Variants in RAD21L1 observed in about 807,000 individuals in gnomAD.
RAD21L1 encodes the protein RAD21 cohesin complex component like 1.
In RAD21L1, 47 loss-of-function variants were observed where a neutral mutation model predicts 69.0. The ratio of observed to expected loss-of-function variants is 0.68; its 90% CI spans 0.54 to 0.87. The LOEUF (loss-of-function observed/expected upper bound fraction) is 0.87, where lower values mean the gene tolerates loss of function less well. RAD21L1 is among the 40% of genes least tolerant of loss of function. The pLI is 0.00. For missense variants in RAD21L1, 583 were observed against 647.6 expected, an observed-to-expected ratio of 0.90 and a Z score of 1.08; for synonymous variants, 177 against 205.8, an observed-to-expected ratio of 0.86 and a Z score of 1.20.
Position 1,246,216 on chromosome 20 carries a change from A to G in RAD21L1, c.1312A>G (p.Ile438Val). 1 of 1,528,558 alleles carries G rather than the reference A, an allele frequency of 6.5e-7. No homozygotes were observed. Among genetic ancestry groups the G allele is most frequent in the Non-Finnish European group, 8.8e-7 (1 of 1,136,644 alleles). 94.7% of individuals were successfully genotyped at this position (1,528,558 alleles called of 1,614,324 possible). Reference sequence around the variant, plus strand: ...TTTCCCTAATTTGCTTCAGCAGGATATTGTTGAAATGGTGTCTTTAGCTGC... The same window carrying G: ...TTTCCCTAATTTGCTTCAGCAGGATGTTGTTGAAATGGTGTCTTTAGCTGC... ...DTNKNINSED[I>V]VEMVSLAAEE... The change falls in exon 12 of 14, where the codon ATT (isoleucine) becomes GTT (valine). Residue 438 changes from isoleucine to valine, a missense_variant. Physicochemically the swap from Ile to Val is conservative, Grantham distance 29. Coordinates refer to ENST00000683101, the MANE Select transcript of RAD21L1 (RefSeq NM_001384355.1). This position sits in a 1 kb window ranked among gnomAD's most constrained non-coding sequence, Gnocchi z 4.6.
Position 1,246,177 on chromosome 20 carries a change from C to A in RAD21L1, c.1309-36C>A. On this transcript the variant is annotated intron_variant, in intron 11 of 13. Transcript: ENST00000683101. The surrounding 1 kb of genome is among the most constrained non-coding windows in gnomAD (Gnocchi z 4.6). ...TAGATTGTTCCTGTATAACCACTGGCAGATTTACCTAACTTTCCCTAATTT... is the reference window on the plus strand; with the variant it reads ...TAGATTGTTCCTGTATAACCACTGGAAGATTTACCTAACTTTCCCTAATTT... 1 of 1,178,124 alleles carries A rather than the reference C, an allele frequency of 8.5e-7. No homozygotes were observed. The highest frequency in any genetic ancestry group is 1.2e-6 in the Non-Finnish European group (1 of 831,130). 73.0% of individuals were successfully genotyped at this position (1,178,124 alleles called of 1,614,324 possible). A position where few individuals can be genotyped will look rare whatever the true frequency, so the allele number is the denominator to read the frequency against.
intron 10 of RAD21L1, among the ~76,000 whole-genome samples, chr20:1,243,651 T>C (rs570485864): frequency 6.6e-6 from 1 of 152,312 alleles, no homozygotes; most frequent in Admixed American, 6.5e-5. Flanking sequence ...TAATCACTGA[T>C]TATTATCATG....
intron 12 of RAD21L1, among the ~76,000 whole-genome samples, chr20:1,247,328 T>A (rs959236017): frequency 6.6e-6 from 1 of 152,196 alleles, no homozygotes; most frequent in Non-Finnish European, 1.5e-5. Flanking sequence ...AGCCTTTCTC[T>A]GGTTAGTTTA....
At position 1,235,611 on chromosome 20, in the gene RAD21L1, G is replaced by A. The variant is rs138282381; in HGVS notation, c.475+1420G>A. The stretch of plus-strand genomic sequence containing the variant: ...TTTTCTTTCTTGTGGACCAGTACCA[G>A]TCCACAGATTATACTTTAAGTAGCA... On this transcript the variant is annotated intron_variant, in intron 5 of 13. Transcript: ENST00000683101. Among the ~76,000 whole-genome samples the A allele has an allele frequency of 2.0e-5, 3 of 152,170 alleles. No homozygotes were observed. In the East Asian group the frequency reaches 5.8e-4, roughly 29 times the overall value.
At chr20:1,252,320 T>C (rs746238152) in intron 13 of RAD21L1, among the ~76,000 whole-genome samples, 1 of 152,180 alleles carries the variant, frequency 6.6e-6, no homozygotes, top group South Asian at 2.1e-4. Flanking sequence ...TGTAGACTTA[T>C]GGTCTTTATA....
At chr20:1,233,212 G>C (rs2087427937) in intron 4 of RAD21L1, among the ~76,000 whole-genome samples, 1 of 152,196 alleles carries the variant, frequency 6.6e-6, no homozygotes, top group African/African-American at 2.4e-5. Context: ...TGAAATTCAG[G>C]AGAGAGGTCT....
intron 4 of RAD21L1, among the ~76,000 whole-genome samples, chr20:1,232,712 G>A (rs565398574): frequency 5.8e-4 from 89 of 152,258 alleles, no homozygotes; most frequent in African/African-American, 2.1e-3. Flanking sequence ...TGGGATGACT[G>A]TTACACATCT....
rs574517233 is a variant in RAD21L1, at chr20:1,255,262, A to G, written c.*805A>G. ...TTCTTATGTTTAAAAAAATTAGCAG[A>G]CACTTGTTCCTCATGTTGTTTGCAG... On this transcript the variant is annotated 3_prime_UTR_variant, in exon 14 of 14. Transcript: ENST00000683101. Among the ~76,000 whole-genome samples the G allele has an allele frequency of 6.6e-6, 1 of 152,186 alleles. No individual in the cohort carries two copies. The highest frequency in any genetic ancestry group is 1.5e-5 in the Non-Finnish European group (1 of 68,032).
chr20:1,240,472 C>A, intron 8 of RAD21L1, 38 bp downstream of exon 8: 3 of 1,527,632 alleles, frequency 2.0e-6, no homozygotes, highest in Non-Finnish European at 2.6e-6. Flanking sequence ...ATTTTTAATA[C>A]ACTGTTAACT....
chr20:1,229,755 TTAAC>T lies in RAD21L1; in HGVS notation c.145-121_145-118del, dbSNP rs1314738653. 9.3e-5 allele frequency: 65 copies of T among 700,206 alleles called. No homozygotes were observed. The East Asian group carries it at 9.7e-4, about 10-fold the overall frequency. The allele number at this position is 700,206 out of a possible 1,614,324, so 43.4% of individuals were successfully genotyped here. A position where few individuals can be genotyped will look rare whatever the true frequency, so the allele number is the denominator to read the frequency against. ...AAGGTAAGGTAAAAAGTGATATACT[TTAAC>T]TAAGAATACAAAATATCTGCTTTTT... is the stretch of plus-strand genomic sequence containing the variant. On this transcript the variant is annotated intron_variant, in intron 2 of 13. Coordinates refer to ENST00000683101, the MANE Select transcript of RAD21L1 (RefSeq NM_001384355.1).
Position 1,238,215 on chromosome 20 carries a change from G to T in RAD21L1, c.646+1G>T, listed in dbSNP as rs2087539214. 6.7e-7 allele frequency: 1 copy of T among 1,495,954 alleles called. No homozygotes were observed. Among genetic ancestry groups the T allele is most frequent in the African/African-American group, 1.4e-5 (1 of 72,390 alleles). 92.7% of individuals were successfully genotyped at this position (1,495,954 alleles called of 1,614,324 possible). A position where few individuals can be genotyped will look rare whatever the true frequency, so the allele number is the denominator to read the frequency against. On this transcript the variant is annotated splice_donor_variant, in intron 6 of 13. Coordinates refer to ENST00000683101, the MANE Select transcript of RAD21L1 (RefSeq NM_001384355.1). LOFTEE classifies it high-confidence loss of function. ...GAAGGAGCTGCAGGAGAAATGATTG[G>T]TATGCTATCTGGTCATGTGGAAATA...
chr20:1,254,208 C>T (rs1258400207), intron 13 of RAD21L1, 61 bp from the exon 14 acceptor site: 14 of 1,165,360 alleles, frequency 1.2e-5, no homozygotes, highest in South Asian at 8.9e-5. Context: ...CATTTATAGC[C>T]GGCTTTACTT....
rs566589485 is a variant in RAD21L1 at position 1,234,079 on chromosome 20, C to G, written c.369-6C>G. 1.3e-5 allele frequency: 18 copies of G among 1,364,102 alleles called. No homozygotes were observed. The East Asian group carries it at 4.3e-4, about 32-fold the overall frequency. The allele number at this position is 1,364,102 out of a possible 1,614,324, so 84.5% of individuals were successfully genotyped here. A position where few individuals can be genotyped will look rare whatever the true frequency, so the allele number is the denominator to read the frequency against. ...ATGTTTTTCTCAACCTTCTATTTCT[C>G]CATAGTGCTATTGATGTTTCAGAAC... On this transcript the variant is annotated splice_polypyrimidine_tract_variant and splice_region_variant and intron_variant, in intron 4 of 13. Coordinates refer to ENST00000683101, the MANE Select transcript of RAD21L1 (RefSeq NM_001384355.1).
At chr20:1,236,017 C>T (rs375407325) in intron 5 of RAD21L1, among the ~76,000 whole-genome samples, 1 of 152,202 alleles carries the variant, frequency 6.6e-6, no homozygotes, top group African/African-American at 2.4e-5. Context: ...ATCCACCCAC[C>T]TCAGCCTCCC....
intron 5 of RAD21L1, among the ~76,000 whole-genome samples, chr20:1,237,441 T>C (rs1413039271): frequency 1.3e-5 from 2 of 152,116 alleles, no homozygotes; most frequent in African/African-American, 4.8e-5. Flanking sequence ...ATGAGAATTA[T>C]AATAGTATCT....
chr20:1,237,233 A>G (rs1036150969), intron 5 of RAD21L1, among the ~76,000 whole-genome samples: 4 of 152,174 alleles, frequency 2.6e-5, no homozygotes, highest in African/African-American at 9.7e-5. Flanking sequence ...TTCAAACCCA[A>G]GAGAGGGAAA....
chr20:1,235,174 T>G (rs1206967755), intron 5 of RAD21L1, among the ~76,000 whole-genome samples: 1 of 152,204 alleles, frequency 6.6e-6, no homozygotes, highest in African/African-American at 2.4e-5. Context: ...ACAAACTCCA[T>G]GAGGATAGAA....
intron 5 of RAD21L1, among the ~76,000 whole-genome samples, chr20:1,236,678 C>T (rs1013730198): frequency 6.6e-6 from 1 of 152,210 alleles, no homozygotes; most frequent in Admixed American, 6.5e-5. Context: ...ATATAACTAA[C>T]AACATCATAG....
chr20:1,243,980 A>G lies in RAD21L1; in HGVS notation c.1184-66A>G, dbSNP rs896739015. 2.2e-6 allele frequency: 3 copies of G among 1,394,030 alleles called. No homozygotes were observed. The African/African-American group carries it at 4.3e-5, about 20-fold the overall frequency. 86.4% of individuals were successfully genotyped at this position (1,394,030 alleles called of 1,614,324 possible). On this transcript the variant is annotated intron_variant, in intron 10 of 13. Transcript: ENST00000683101. ...CTGTCAGAAGTTTTCTTTTGTTACA[A>G]CCATATCACAATTCAAGTTTGAAAG...
Sources: gnomAD v4.1 joint callset for allele counts (sites outside exome capture counted in the v4.1 genomes callset) on GRCh38, gnomAD v4.1.1 for gene constraint, Gnocchi (gnomAD v3.1) non-coding constraint, MANE v1.5 for transcripts, NCBI Gene and HGNC (gene_info 2026-07-23, HGNC 2026-07-21) for gene names.